Variants in U2SURP observed in about 807,000 individuals in gnomAD.
The protein encoded by U2SURP is U2 snRNP associated SURP domain containing.
A neutral mutation model predicts 144.9 loss-of-function variants in U2SURP; 9 were observed. The observed-to-expected ratio is 0.06, with a 90% CI of 0.04 to 0.11. The LOEUF is 0.11. Among genes scored for constraint, U2SURP ranks in the 10% least tolerant of loss-of-function variants. The probability of loss-of-function intolerance (pLI) is 1.00; values close to 1 mark genes in which losing one functional copy is unlikely to be tolerated. For missense variants in U2SURP, 724 were observed against 1,226.7 expected (o/e 0.59, Z 6.12); for synonymous variants, 408 against 396.8 (o/e 1.03, Z -0.33).
Position 143,008,991 on chromosome 3 carries a change from C to T in U2SURP, c.46-1824C>T, listed in dbSNP as rs995854995. 5.8e-4 allele frequency among the ~76,000 whole-genome samples: 88 copies of T among 152,286 alleles called. 3 individuals carry two copies. The Middle Eastern group carries it at 0.024, about 41-fold the overall frequency. On this transcript the variant is annotated intron_variant, in intron 1 of 27. Coordinates refer to ENST00000473835, the MANE Select transcript of U2SURP (RefSeq NM_001080415.2). ...TCTCCATCTCTTGATCCACCCGCCTCGGCCTCCCAAAGTGCTCGGATTACA... is the reference window on the plus strand; with the variant it reads ...TCTCCATCTCTTGATCCACCCGCCTTGGCCTCCCAAAGTGCTCGGATTACA...
chr3:143,031,745 C>G (rs1330024101), intron 16 of U2SURP, among the ~76,000 whole-genome samples: 1 of 152,182 alleles, frequency 6.6e-6, no homozygotes, highest in Non-Finnish European at 1.5e-5. Context: ...GAATCCGTCT[C>G]TTTGAGATAT....
chr3:143,034,868 A>G lies in U2SURP; in HGVS notation c.1854-20A>G, dbSNP rs770370877. 6.8e-7 allele frequency: 1 copy of G among 1,480,032 alleles called. No individual in the cohort carries two copies. The highest frequency in any genetic ancestry group is 1.2e-5 in the South Asian group (1 of 83,642). 91.7% of individuals were successfully genotyped at this position (1,480,032 alleles called of 1,614,324 possible). ...AATTTTAAACATTTTATTTTAAAGA[A>G]TGTGTTATTTGAATTTCAGTTTTGA... On this transcript the variant is annotated intron_variant, in intron 18 of 27. Coordinates refer to ENST00000473835, the MANE Select transcript of U2SURP (RefSeq NM_001080415.2).
chr3:143,054,390 CAGAT>C (rs1935041914), intron 26 of U2SURP, among the ~76,000 whole-genome samples: 1 of 152,198 alleles, frequency 6.6e-6, no homozygotes, highest in African/African-American at 2.4e-5. Flanking sequence ...AGTCACGCTA[CAGAT>C]AGTTACAAAT....
In U2SURP at chr3:143,035,975, T is replaced by C; in HGVS notation, c.1942-7T>C. 6.3e-7 allele frequency: 1 copy of C among 1,589,590 alleles called. No homozygotes were observed. The highest frequency in any genetic ancestry group is 8.5e-7 in the Non-Finnish European group (1 of 1,173,036). Reference sequence around the variant, plus strand: ...AAAAGTTTGTTGTCTGTTTCCTGTTTCTTTAGCAACGGGTAATGACTTGCT... The same window carrying C: ...AAAAGTTTGTTGTCTGTTTCCTGTTCCTTTAGCAACGGGTAATGACTTGCT... On this transcript the variant is annotated splice_polypyrimidine_tract_variant and splice_region_variant and intron_variant, in intron 19 of 27. Transcript: ENST00000473835.
At chr3:143,023,869 T>C in intron 12 of U2SURP, 106 bp from the exon 13 acceptor site, 1 of 1,028,466 alleles carries the variant, frequency 9.7e-7, no homozygotes, top group South Asian at 1.4e-5. Context: ...GCAAAACTTG[T>C]GATTAGATAT....
chr3:143,002,654 C>A (rs1174502334), intron 1 of U2SURP, among the ~76,000 whole-genome samples: 1 of 152,088 alleles, frequency 6.6e-6, no homozygotes, highest in Non-Finnish European at 1.5e-5. Context: ...GACTGTAAAT[C>A]GGCTATTAGA....
intron 25 of U2SURP, among the ~76,000 whole-genome samples, chr3:143,052,221 C>A (rs555017143): frequency 2.0e-5 from 3 of 152,046 alleles, no homozygotes; most frequent in Non-Finnish European, 4.4e-5. Context: ...ATGGATAAAC[C>A]CCGTCTCTAC....
Position 143,060,646 on chromosome 3 carries a change from G to GGCTAAA in U2SURP, c.*4196_*4197insGCTAAA, listed in dbSNP as rs1935332345. 6.6e-6 allele frequency: 1 copy of GGCTAAA among 151,988 alleles called. No individual in the cohort carries two copies. Among genetic ancestry groups the GGCTAAA allele is most frequent in the South Asian group, 2.1e-4 (1 of 4,828 alleles). 9.4% of individuals were successfully genotyped at this position (151,988 alleles called of 1,614,324 possible). ...CTTTCTCTCAAGTGAAATAAGTGAT[G>GGCTAAA]TGACATGTTTATCAGTTATGGCTAA... On this transcript the variant is annotated 3_prime_UTR_variant, in exon 28 of 28. Transcript: ENST00000473835.
intron 24 of U2SURP, among the ~76,000 whole-genome samples, chr3:143,044,289 C>CATTTTTTTTTT (rs1934284162): frequency 2.5e-5 from 2 of 81,386 alleles, no homozygotes; most frequent in Non-Finnish European, 4.3e-5. Context: ...CTCCCCTCTC[C>CATTTTTTTTTT]TTTTTTTTTT....
chr3:143,037,589 T>C (rs1933881940), intron 21 of U2SURP, among the ~76,000 whole-genome samples: 1 of 152,124 alleles, frequency 6.6e-6, no homozygotes, highest in Non-Finnish European at 1.5e-5. Flanking sequence ...CAGCCTCCTA[T>C]AATATTAGCA....
intron 1 of U2SURP, among the ~76,000 whole-genome samples, chr3:143,003,033 A>G (rs1408587659): frequency 6.6e-6 from 1 of 152,196 alleles, no homozygotes; most frequent in African/African-American, 2.4e-5. Context: ...CAAGTCGTGC[A>G]TAAGCCTCAC....
chr3:143,044,612 T>C (rs1037871690), intron 24 of U2SURP, among the ~76,000 whole-genome samples: 2 of 152,218 alleles, frequency 1.3e-5, no homozygotes, highest in African/African-American at 2.4e-5. Flanking sequence ...CAGTAAATGC[T>C]AGCAGTAGTT....
At chr3:143,025,146 T>TA (rs935756851) in intron 13 of U2SURP, among the ~76,000 whole-genome samples, 1 of 152,176 alleles carries the variant, frequency 6.6e-6, no homozygotes, top group Admixed American at 6.6e-5. Flanking sequence ...TAAAAATACT[T>TA]ATAAACTTTT....
Position 143,058,924 on chromosome 3 carries a change from T to G in U2SURP, c.*2474T>G, listed in dbSNP as rs566459186. 2 of 152,012 alleles carry G rather than the reference T, an allele frequency of 1.3e-5. No homozygotes were observed. Among genetic ancestry groups the G allele is most frequent in the African/African-American group, 4.8e-5 (2 of 41,534 alleles). The allele number at this position is 152,012 out of a possible 1,614,324, so 9.4% of individuals were successfully genotyped here. A position where few individuals can be genotyped will look rare whatever the true frequency, so the allele number is the denominator to read the frequency against. ...CCAGAGTTGTTTTCCACAGTTCTTA[T>G]AAAGGGCATGACTTAGGCTCTTTAC... On this transcript the variant is annotated 3_prime_UTR_variant, in exon 28 of 28. Transcript: ENST00000473835.
chr3:143,048,937 A>G (rs969461173), intron 24 of U2SURP, among the ~76,000 whole-genome samples: 1 of 151,996 alleles, frequency 6.6e-6, no homozygotes, highest in African/African-American at 2.4e-5. Flanking sequence ...TATAAGAAAC[A>G]TTCATGAAGT....
At chr3:143,055,206 A>ATT (rs74668359) in intron 27 of U2SURP, 87 bp downstream of exon 27, 3,472 of 983,654 alleles carry the variant, frequency 3.5e-3, no homozygotes, top group South Asian at 4.8e-3. Context: ...GTTGGCATAC[A>ATT]TTTTTTTTTT....
chr3:143,022,713 T>TTTTTTTTTTTTTTTGA, intron 11 of U2SURP, 51 bp downstream of exon 11: 1 of 1,536,016 alleles, frequency 6.5e-7, no homozygotes, highest in Non-Finnish European at 8.8e-7. Flanking sequence ...TTCTTTGGTT[T>TTTTTTTTTTTTTTTGA]GGAAAAGTAT....
At chr3:143,020,805 T>TA (rs1936592210) in intron 8 of U2SURP, 112 bp downstream of exon 8, 1 of 767,590 alleles carries the variant, frequency 1.3e-6, no homozygotes, top group African/African-American at 1.7e-5. Context: ...AAACCATGGA[T>TA]ATATACTATC....
intron 6 of U2SURP, among the ~76,000 whole-genome samples, chr3:143,019,702 C>A (rs1936541457): frequency 6.6e-6 from 1 of 152,166 alleles, no homozygotes; most frequent in African/African-American, 2.4e-5. Flanking sequence ...CAGTTACTTT[C>A]CATGGCAGTT....
Sources: gnomAD v4.1 joint callset for allele counts (sites outside exome capture counted in the v4.1 genomes callset) on GRCh38, gnomAD v4.1.1 for gene constraint, MANE v1.5 for transcripts, NCBI Gene and HGNC (gene_info 2026-07-23, HGNC 2026-07-21) for gene names.